Variants in UBE2O observed in about 807,000 individuals in gnomAD.
The protein encoded by UBE2O is ubiquitin conjugating enzyme E2 O.
Under a neutral mutation model 125.8 loss-of-function variants are expected in UBE2O, and 15 were observed. The ratio of observed to expected loss-of-function variants is 0.12; its 90% CI spans 0.08 to 0.18. The LOEUF (loss-of-function observed/expected upper bound fraction) is 0.18, where lower values mean the gene tolerates loss of function less well. Among genes scored for constraint, UBE2O ranks in the 10% least tolerant of loss-of-function variants. UBE2O has a pLI of 1.00. For synonymous variants in UBE2O, 708 were observed against 703.2 expected, an observed-to-expected ratio of 1.01 and a Z score of -0.11; for missense variants, 1,280 against 1,723.6, an observed-to-expected ratio of 0.74 and a Z score of 4.56.
Position 76,396,967 on chromosome 17 carries a change from A to G in UBE2O, c.2116-146T>C. The G allele has an allele frequency of 1.5e-6, 1 of 672,744 alleles. No homozygotes were observed. Among genetic ancestry groups the G allele is most frequent in the Non-Finnish European group, 2.4e-6 (1 of 410,712 alleles). The allele number at this position is 672,744 out of a possible 1,614,324, so 41.7% of individuals were successfully genotyped here. A position where few individuals can be genotyped will look rare whatever the true frequency, so the allele number is the denominator to read the frequency against. On this transcript the variant is annotated intron_variant, in intron 13 of 17. Coordinates refer to ENST00000319380, the MANE Select transcript of UBE2O (RefSeq NM_022066.4). This position sits in a 1 kb window ranked among gnomAD's most constrained non-coding sequence, Gnocchi z 6.7. ...GCAACCTCATTCCACCCTTTCCCTG[A>G]CCTCTGCTCTGGCTTTTGCAGTCCC...
Position 76,398,830 on chromosome 17 carries a change from G to A in UBE2O, c.1783+7C>T. 1 of 1,612,790 alleles carries A rather than the reference G, an allele frequency of 6.2e-7. No individual in the cohort carries two copies. The highest frequency in any genetic ancestry group is 8.5e-7 in the Non-Finnish European group (1 of 1,179,246). On this transcript the variant is annotated splice_region_variant and intron_variant, in intron 10 of 17. Coordinates refer to ENST00000319380, the MANE Select transcript of UBE2O (RefSeq NM_022066.4). This position sits in a 1 kb window ranked among gnomAD's most constrained non-coding sequence, Gnocchi z 5.4. ...CCTGCTGGCTGCCCTTCCAGAGCTG[G>A]CACTACCTCGCTTATCTACCACGAA...
chr17:76,399,342 G>A lies in UBE2O; in HGVS notation c.1628+107C>T, dbSNP rs1273480307. The A allele has an allele frequency of 1.7e-6, 2 of 1,162,282 alleles. No homozygotes were observed. Among genetic ancestry groups the A allele is most frequent in the Middle Eastern group, 2.7e-4 (1 of 3,680 alleles). 72.0% of individuals were successfully genotyped at this position (1,162,282 alleles called of 1,614,324 possible). ...GGTGGGAGCCCCGGAGCCACTACAA[G>A]GCATGCAGAGGTGTGTGTGCGAGCG... is the stretch of plus-strand genomic sequence containing the variant. On this transcript the variant is annotated intron_variant, in intron 9 of 17. Transcript: ENST00000319380. The surrounding 1 kb of genome is among the most constrained non-coding windows in gnomAD (Gnocchi z 6.9).
intron 1 of UBE2O, among the ~76,000 whole-genome samples, chr17:76,408,194 T>C (rs926816911): frequency 3.9e-5 from 6 of 152,214 alleles, no homozygotes; most frequent in African/African-American, 1.4e-4. Flanking sequence ...ATGCACAACC[T>C]GCTTCACAAA....
chr17:76,449,591 A>T (rs1320036335), intron 1 of UBE2O, among the ~76,000 whole-genome samples: 1 of 151,784 alleles, frequency 6.6e-6, no homozygotes, highest in African/African-American at 2.4e-5. Flanking sequence ...AAACTCACAC[A>T]CAAAAATTTT....
At chr17:76,424,260 G>A (rs972153805) in intron 1 of UBE2O, among the ~76,000 whole-genome samples, 4 of 140,582 alleles carry the variant, frequency 2.8e-5, no homozygotes, top group South Asian at 4.5e-4. Flanking sequence ...CCAGCCTGGA[G>A]TGCAATGGCA....
rs773214222 is a variant in UBE2O at position 76,390,896 on chromosome 17, G to A, written c.*47C>T. On this transcript the variant is annotated 3_prime_UTR_variant, in exon 18 of 18. Coordinates refer to ENST00000319380, the MANE Select transcript of UBE2O (RefSeq NM_022066.4). ...GATTCCGGGGGGGAGTGAGCAGGCG[G>A]CGGCTGGCCTCTCCCACGGTGATGC... 1 of 1,536,596 alleles carries A rather than the reference G, an allele frequency of 6.5e-7. No homozygotes were observed. The highest frequency in any genetic ancestry group is 8.8e-7 in the Non-Finnish European group (1 of 1,142,254).
chr17:76,423,745 G>A (rs1291813025), intron 1 of UBE2O, among the ~76,000 whole-genome samples: 1 of 133,910 alleles, frequency 7.5e-6, no homozygotes, highest in Non-Finnish European at 1.6e-5. Flanking sequence ...GGTCAGGCAG[G>A]AAGCTGCCAA....
intron 1 of UBE2O, among the ~76,000 whole-genome samples, chr17:76,449,675 T>C (rs1328224342): frequency 1.3e-5 from 2 of 152,190 alleles, no homozygotes; most frequent in African/African-American, 4.8e-5. Context: ...TCCCAGCACT[T>C]TGGGAGGCCG....
chr17:76,449,754 A>C (rs540190281), intron 1 of UBE2O, among the ~76,000 whole-genome samples: 1 of 151,950 alleles, frequency 6.6e-6, no homozygotes, highest in South Asian at 2.1e-4. Context: ...CCCCGTCTCC[A>C]CTAAAAATAC....
Position 76,452,734 on chromosome 17 carries a change from C to T in UBE2O, c.408G>A (p.Lys136=), listed in dbSNP as rs1488007220. ...CCCCCGCCCGCCGCACCTTGGTCTC[C>T]TTCACATGCTGCTTGACGCCCTCCG... ...WYPEGVKQHV[K]ETKLKLEDRS... Residue 136 remains lysine, a synonymous_variant, in exon 1 of 18, where the codon AAG becomes AAA. Transcript: ENST00000319380. The surrounding 1 kb of genome is among the most constrained non-coding windows in gnomAD (Gnocchi z 4.4). 1.3e-6 allele frequency: 2 copies of T among 1,488,206 alleles called. No individual in the cohort carries two copies. The highest frequency in any genetic ancestry group is 8.9e-7 in the Non-Finnish European group (1 of 1,128,938). The allele number at this position is 1,488,206 out of a possible 1,614,324, so 92.2% of individuals were successfully genotyped here. A position where few individuals can be genotyped will look rare whatever the true frequency, so the allele number is the denominator to read the frequency against.
chr17:76,436,416 G>A (rs1473335145), intron 1 of UBE2O, among the ~76,000 whole-genome samples: 2 of 151,868 alleles, frequency 1.3e-5, no homozygotes, highest in Non-Finnish European at 1.5e-5. Context: ...TAACTTAATA[G>A]ACCAATCAGG....
intron 1 of UBE2O, among the ~76,000 whole-genome samples, chr17:76,436,163 C>T (rs1487126909): frequency 1.3e-5 from 2 of 152,156 alleles, no homozygotes; most frequent in African/African-American, 2.4e-5. Context: ...AGGAGAATTG[C>T]TTGAACCCGG....
intron 1 of UBE2O, among the ~76,000 whole-genome samples, chr17:76,449,267 T>C (rs2073197155): frequency 6.6e-6 from 1 of 152,254 alleles, no homozygotes; most frequent in African/African-American, 2.4e-5. Flanking sequence ...CCACATTAAA[T>C]AGATACTACT....
rs758566479 is a variant in UBE2O, at chr17:76,398,423, C to A, written c.1897-40G>T. 1.2e-6 allele frequency: 2 copies of A among 1,613,978 alleles called. No individual in the cohort carries two copies. The highest frequency in any genetic ancestry group is 1.7e-6 in the Non-Finnish European group (2 of 1,179,988). On this transcript the variant is annotated intron_variant, in intron 11 of 17. Coordinates refer to ENST00000319380, the MANE Select transcript of UBE2O (RefSeq NM_022066.4). This position sits in a 1 kb window ranked among gnomAD's most constrained non-coding sequence, Gnocchi z 5.4. ...AGGTTGTCATGAGCTAGGGGTCCTA[C>A]ACCCAACCCCAGAGCCCACCTGAAG... is the stretch of plus-strand genomic sequence containing the variant.
intron 1 of UBE2O, among the ~76,000 whole-genome samples, chr17:76,451,869 G>A (rs2073251268): frequency 6.6e-6 from 1 of 151,976 alleles, no homozygotes; most frequent in Non-Finnish European, 1.5e-5. Context: ...TCAAGGTTTC[G>A]GGTTTATGAT....
intron 1 of UBE2O, among the ~76,000 whole-genome samples, chr17:76,414,975 A>T (rs1279844312): frequency 6.6e-6 from 1 of 152,188 alleles, no homozygotes; most frequent in Non-Finnish European, 1.5e-5. Context: ...CCTTCCTCAA[A>T]AGTATAAGTA....
Position 76,440,298 on chromosome 17 carries a change from A to T in UBE2O, c.417+12427T>A, listed in dbSNP as rs1370963906. 2.6e-5 allele frequency among the ~76,000 whole-genome samples: 4 copies of T among 152,242 alleles called. No individual in the cohort carries two copies. In the East Asian group the frequency reaches 7.7e-4, roughly 29 times the overall value. ...ATATTTTGAATACATTGGGTTAAGT[A>T]AAATATATTAAAATTAATTTCATCT... On this transcript the variant is annotated intron_variant, in intron 1 of 17. Transcript: ENST00000319380.
intron 1 of UBE2O, among the ~76,000 whole-genome samples, chr17:76,451,981 A>C (rs28715905): frequency 0.88 from 134,046 of 152,034 alleles, 59,236 homozygotes; most frequent in East Asian, 1. Context: ...TCAAGAAAAA[A>C]CCTTCGGGTT....
chr17:76,444,346 C>T (rs1043923700), intron 1 of UBE2O, among the ~76,000 whole-genome samples: 5 of 152,148 alleles, frequency 3.3e-5, no homozygotes, highest in African/African-American at 4.8e-5. Context: ...GTCAGGAGTT[C>T]GAGACCAGCC....
Sources: allele counts gnomAD v4.1 joint callset (sites outside exome capture counted in the v4.1 genomes callset), GRCh38; gene constraint gnomAD v4.1.1; non-coding constraint Gnocchi (gnomAD v3.1); transcripts MANE v1.5; gene names NCBI Gene and HGNC (gene_info 2026-07-23, HGNC 2026-07-21).